UBR3: variants seen among roughly 807,000 people sequenced by gnomAD.
UBR3 encodes ubiquitin protein ligase E3 component n-recognin 3, also known as E3 ubiquitin-protein ligase UBR3.
A neutral mutation model predicts 243.2 loss-of-function variants in UBR3; 85 were observed. The observed-to-expected ratio is 0.35, with a 90% CI of 0.29 to 0.42. The LOEUF is 0.42. Ranked by LOEUF, UBR3 falls within the 10% of genes least tolerant of loss-of-function variation. The pLI, the probability that UBR3 is intolerant of heterozygous loss-of-function variation, is 1.00. For synonymous variants in UBR3, 748 were observed against 799.8 expected (o/e 0.94, Z 1.09); for missense variants, 1,686 against 2,300.8 (o/e 0.73, Z 5.47).
intron 3 of UBR3, 133 bp downstream of exon 3, chr2:169,876,082 T>TTA: frequency 5.7e-5 from 44 of 769,798 alleles, no homozygotes; most frequent in Non-Finnish European, 6.7e-5. Context: ...TTAAGAGAAC[T>TTA]TCTTTTTTTT....
chr2:169,949,644 C>T lies in UBR3; in HGVS notation c.3124C>T (p.Arg1042Cys), dbSNP rs778224211. 5.8e-6 allele frequency: 9 copies of T among 1,549,712 alleles called. No individual in the cohort carries two copies. The highest frequency in any genetic ancestry group is 7.9e-6 in the Non-Finnish European group (9 of 1,146,090). Residue 1042 changes from arginine (R) to cysteine (C), a missense_variant, in exon 23 of 39, where the codon CGT becomes TGT. Coordinates refer to ENST00000272793, the MANE Select transcript of UBR3 (RefSeq NM_172070.4). ...TCAAGTTTTCAGTTTAGTAGCAGAA[C>T]GTAGAAAGAAATTTCAGGAAATCAT... ...TAQVFSLVAE[R>C]RKKFQEIINR...
rs2089031784 is a variant in UBR3 at position 169,986,930 on chromosome 2, A to G, written c.3784+136A>G. 1.1e-5 allele frequency: 10 copies of G among 885,840 alleles called. 1 individual carries two copies. Among genetic ancestry groups the G allele is most frequent in the Admixed American group, 3.0e-5 (1 of 33,166 alleles). The allele number at this position is 885,840 out of a possible 1,614,324, so 54.9% of individuals were successfully genotyped here. Reference sequence around the variant, plus strand: ...GGCAAGGGTCAGTTTAGATCCAAATAACAAAGATTCTTTATCGGTTATATC... The same window carrying G: ...GGCAAGGGTCAGTTTAGATCCAAATGACAAAGATTCTTTATCGGTTATATC... On this transcript the variant is annotated intron_variant, in intron 25 of 38. Transcript: ENST00000272793.
chr2:169,889,187 C>CT (rs918039806), intron 5 of UBR3, among the ~76,000 whole-genome samples: 6 of 152,116 alleles, frequency 3.9e-5, no homozygotes, highest in African/African-American at 1.4e-4. Flanking sequence ...ACTCAGTGGT[C>CT]TGTGTTTTCA....
chr2:170,055,321 T>C (rs1559222237), intron 32 of UBR3, 139 bp from the exon 33 acceptor site: 4 of 973,042 alleles, frequency 4.1e-6, no homozygotes, highest in Non-Finnish European at 5.9e-6. Flanking sequence ...AGACCTCGTC[T>C]CAAAAACAAA....
intron 29 of UBR3, among the ~76,000 whole-genome samples, chr2:170,011,311 T>C (rs2090075127): frequency 6.6e-6 from 1 of 152,022 alleles, no homozygotes; most frequent in South Asian, 2.1e-4. Flanking sequence ...ATATAACTTA[T>C]TTATGCATAA....
At chr2:170,074,303 A>G (rs2091760812) in intron 36 of UBR3, among the ~76,000 whole-genome samples, 3 of 152,162 alleles carry the variant, frequency 2.0e-5, no homozygotes, top group Admixed American at 1.3e-4. Flanking sequence ...CATTTGAGAA[A>G]AATATAGGAC....
chr2:169,975,925 C>T (rs1574323065), intron 24 of UBR3, among the ~76,000 whole-genome samples: 2 of 151,720 alleles, frequency 1.3e-5, no homozygotes, highest in East Asian at 3.9e-4. Context: ...TTGAACTGAT[C>T]TCTTTATCAT....
chr2:169,992,374 G>A (rs1252016545), intron 25 of UBR3, among the ~76,000 whole-genome samples: 1 of 152,128 alleles, frequency 6.6e-6, no homozygotes, highest in African/African-American at 2.4e-5. Flanking sequence ...AAAAAATAGA[G>A]GAGTGAACAC....
intron 11 of UBR3, among the ~76,000 whole-genome samples, chr2:169,917,577 G>A (rs981250310): frequency 2.0e-5 from 3 of 152,122 alleles, no homozygotes; most frequent in Admixed American, 6.5e-5. Context: ...AGGAAATAGT[G>A]TATCTGTTTT....
intron 1 of UBR3, among the ~76,000 whole-genome samples, chr2:169,852,850 C>CAAAAAAA (rs869283640): frequency 0.017 from 826 of 48,206 alleles, 3 homozygotes; most frequent in East Asian, 0.035. Flanking sequence ...GACTTCATCT[C>CAAAAAAA]AAAAAAAAAA....
chr2:169,838,466 C>G (rs2082187941), intron 1 of UBR3, among the ~76,000 whole-genome samples: 1 of 146,032 alleles, frequency 6.8e-6, no homozygotes, highest in Non-Finnish European at 1.5e-5. Flanking sequence ...GGCCTTCTTG[C>G]ATACTCACAT....
At chr2:169,870,470 A>T (rs1355926578) in intron 1 of UBR3, among the ~76,000 whole-genome samples, 2 of 151,662 alleles carry the variant, frequency 1.3e-5, no homozygotes, top group Non-Finnish European at 2.9e-5. Flanking sequence ...ACAGAATTTT[A>T]ATTAAAATAA....
intron 3 of UBR3, among the ~76,000 whole-genome samples, chr2:169,876,561 G>GTATTGTATTGTATTGTATTT (rs1342005988): frequency 1.3e-5 from 2 of 150,366 alleles, no homozygotes; most frequent in African/African-American, 4.9e-5. Context: ...GTATTGTATT[G>GTATTGTATTGTATTGTATTT]TATTGTATTT....
intron 1 of UBR3, among the ~76,000 whole-genome samples, chr2:169,867,853 T>G (rs916683144): frequency 6.6e-6 from 1 of 152,232 alleles, no homozygotes; most frequent in African/African-American, 2.4e-5. Flanking sequence ...CGCAGAGTAT[T>G]TTAAAGCAAT....
chr2:169,854,754 T>C (rs1314267245), intron 1 of UBR3, among the ~76,000 whole-genome samples: 1 of 152,146 alleles, frequency 6.6e-6, no homozygotes, highest in African/African-American at 2.4e-5. Context: ...GAATTCAAGC[T>C]AACATAGTTA....
chr2:169,910,251 C>T (rs966775454), intron 10 of UBR3, among the ~76,000 whole-genome samples: 3 of 151,736 alleles, frequency 2.0e-5, no homozygotes, highest in Admixed American at 6.6e-5. Flanking sequence ...ATGTGAACCC[C>T]GAAGAAAGAA....
chr2:170,035,228 A>C (rs1322198722), intron 31 of UBR3, among the ~76,000 whole-genome samples: 1 of 151,966 alleles, frequency 6.6e-6, no homozygotes, highest in African/African-American at 2.4e-5. Context: ...TTTTGGTGTT[A>C]TATCTAAAAA....
At chr2:170,028,097 A>G (rs1288094298) in intron 30 of UBR3, among the ~76,000 whole-genome samples, 1 of 152,006 alleles carries the variant, frequency 6.6e-6, no homozygotes, top group Non-Finnish European at 1.5e-5. Context: ...TAGGAGATGA[A>G]ACAGGGTAAG....
intron 35 of UBR3, among the ~76,000 whole-genome samples, chr2:170,064,239 C>T (rs534502752): frequency 6.6e-6 from 1 of 152,158 alleles, no homozygotes; most frequent in African/African-American, 2.4e-5. Context: ...GATATCTTTT[C>T]ACTGGCTTTG....
Sources: gnomAD v4.1 joint callset for allele counts (sites outside exome capture counted in the v4.1 genomes callset) on GRCh38, gnomAD v4.1.1 for gene constraint, MANE v1.5 for transcripts, NCBI Gene and HGNC (gene_info 2026-07-23, HGNC 2026-07-21) for gene names.